The following STK33 variants were observed in gnomAD, a reference collection of about 807,000 sequenced individuals.
STK33 encodes serine/threonine-protein kinase 33.
STK33 carries 52 observed loss-of-function variants against 58.0 expected under a neutral mutation model. The observed-to-expected ratio is 0.90, with a 90% CI of 0.72 to 1.13. STK33 has a LOEUF of 1.13. Ranked by LOEUF, STK33 falls within the 50% of genes most tolerant of loss-of-function variation. STK33 has a pLI of 0.00. For missense variants in STK33, 630 were observed against 604.2 expected (o/e 1.04, Z -0.45); for synonymous variants, 215 against 200.1 (o/e 1.07, Z -0.63).
chr11:8,584,262 C>A (rs2031053388), intron 1 of STK33, among the ~76,000 whole-genome samples: 1 of 152,176 alleles, frequency 6.6e-6, no homozygotes, highest in Non-Finnish European at 1.5e-5. Context: ...AACCAATCTT[C>A]TTTCAAGGCC....
At chr11:8,375,617 G>A in the STK33 span, among the ~76,000 whole-genome samples, 2 of 152,148 alleles carry the variant, frequency 1.3e-5, no homozygotes, top group African/African-American at 4.8e-5. Flanking sequence ...TTCCTTGTTT[G>A]CAAATTCTTT....
At chr11:8,523,637 G>A (rs953209897) in intron 1 of STK33, among the ~76,000 whole-genome samples, 3 of 151,718 alleles carry the variant, frequency 2.0e-5, no homozygotes, top group East Asian at 3.9e-4. Context: ...ATCTCCGCCC[G>A]GCAGCTGCCC....
At chr11:8,509,677 G>A (rs551549015) in intron 1 of STK33, among the ~76,000 whole-genome samples, 93 of 151,946 alleles carry the variant, frequency 6.1e-4, no homozygotes, top group African/African-American at 2.2e-3. Context: ...CCTTCCCCTT[G>A]AGTCCCCAAA....
chr11:8,343,624 G>A, the STK33 span, among the ~76,000 whole-genome samples: 1 of 152,152 alleles, frequency 6.6e-6, no homozygotes, highest in South Asian at 2.1e-4. Context: ...AGATGCATTC[G>A]CGCCTCACTC....
intron 1 of STK33, among the ~76,000 whole-genome samples, chr11:8,523,730 G>A (rs1014279169): frequency 6.0e-5 from 9 of 149,830 alleles, no homozygotes; most frequent in Non-Finnish European, 1.2e-4. Flanking sequence ...CCACCGCCCC[G>A]TCTGGGAGGT....
chr11:8,485,405 A>G (rs930444699), intron 1 of STK33, among the ~76,000 whole-genome samples: 52 of 152,238 alleles, frequency 3.4e-4, no homozygotes, highest in African/African-American at 1.2e-3. Context: ...TCATGTAGAC[A>G]TAAATTTGTC....
At chr11:8,357,206 G>T in the STK33 span, among the ~76,000 whole-genome samples, 2 of 152,194 alleles carry the variant, frequency 1.3e-5, no homozygotes, top group Non-Finnish European at 2.9e-5. Flanking sequence ...TCGTCCTCTT[G>T]CCCTCAATGC....
At chr11:8,535,896 G>A (rs1365642308) in intron 1 of STK33, among the ~76,000 whole-genome samples, 4 of 152,026 alleles carry the variant, frequency 2.6e-5, no homozygotes, top group Non-Finnish European at 5.9e-5. Flanking sequence ...CTAGAATACT[G>A]GAATGGAATA....
intron 1 of STK33, among the ~76,000 whole-genome samples, chr11:8,528,077 G>A (rs1231152071): frequency 1.3e-5 from 2 of 152,134 alleles, no homozygotes; most frequent in East Asian, 3.8e-4. Flanking sequence ...GATTTCTCAC[G>A]AGCTTTGTTA....
chr11:8,397,025 C>T (rs1849476974), intron 15 of STK33, among the ~76,000 whole-genome samples: 1 of 152,226 alleles, frequency 6.6e-6, no homozygotes, highest in African/African-American at 2.4e-5. Context: ...CTGTAGACTC[C>T]ACCTCTGGGG....
intron 4 of STK33, among the ~76,000 whole-genome samples, 170 bp downstream of exon 4, chr11:8,476,517 A>C (rs10840056): frequency 0.45 from 68,347 of 151,914 alleles, 15,761 homozygotes; most frequent in Non-Finnish European, 0.5. Context: ...TAATATGCCA[A>C]GTATACTCCC....
At chr11:8,361,887 G>A in the STK33 span, among the ~76,000 whole-genome samples, 1 of 152,232 alleles carries the variant, frequency 6.6e-6, no homozygotes, top group Non-Finnish European at 1.5e-5. The surrounding 1 kb of genome is among the most constrained non-coding windows in gnomAD (Gnocchi z 4.8). Flanking sequence ...GCAGGAGCCT[G>A]TGCTCACGCG....
chr11:8,593,909 C>T (rs1379895230), intron 1 of STK33, 174 bp downstream of exon 1: 2 of 152,240 alleles, frequency 1.3e-5, no homozygotes, highest in Admixed American at 6.5e-5. Context: ...CGGAGGGGTC[C>T]GCGGGCTCGG....
chr11:8,402,561 C>G (rs1338244229), intron 15 of STK33, among the ~76,000 whole-genome samples: 1 of 152,180 alleles, frequency 6.6e-6, no homozygotes, highest in African/African-American at 2.4e-5. Context: ...CACATGTATA[C>G]ATATGTAACA....
At chr11:8,574,427 CATAA>C (rs967850754) in intron 1 of STK33, among the ~76,000 whole-genome samples, 29 of 151,942 alleles carry the variant, frequency 1.9e-4, no homozygotes, top group African/African-American at 7.0e-4. Context: ...TCAGAATAGC[CATAA>C]ATACTTTTTC....
chr11:8,547,206 T>C (rs1450826546), intron 1 of STK33, among the ~76,000 whole-genome samples: 1 of 152,050 alleles, frequency 6.6e-6, no homozygotes, highest in Non-Finnish European at 1.5e-5. Context: ...GTATGTCTTC[T>C]TTTTTGTTTT....
chr11:8,585,018 G>A (rs1253908959), intron 1 of STK33, among the ~76,000 whole-genome samples: 1 of 151,216 alleles, frequency 6.6e-6, no homozygotes, highest in East Asian at 1.9e-4. Flanking sequence ...CGCCTCCTGG[G>A]TTCAAGTAAT....
At chr11:8,373,460 G>A in the STK33 span, among the ~76,000 whole-genome samples, 8,606 of 152,202 alleles carry the variant, frequency 0.057, 716 homozygotes, top group African/African-American at 0.18. Flanking sequence ...GATGTAGCAG[G>A]TTGCCTGGGA....
Position 8,494,052 on chromosome 11 carries a change from C to T in STK33, c.-465-13438G>A, listed in dbSNP as rs554822573. 2.6e-5 allele frequency among the ~76,000 whole-genome samples: 4 copies of T among 152,288 alleles called. No homozygotes were observed. The South Asian group carries it at 8.3e-4, about 32-fold the overall frequency. The stretch of plus-strand genomic sequence containing the variant: ...AAAACCTGCACAAGACAGGGATGCC[C>T]TCTCTCACCATTCCTATTCAACAAA... On this transcript the variant is annotated intron_variant, in intron 1 of 15. Coordinates refer to ENST00000687296, the MANE Select transcript of STK33 (RefSeq NM_001352389.2).
Sources: gnomAD v4.1 joint callset for allele counts (sites outside exome capture counted in the v4.1 genomes callset) on GRCh38, gnomAD v4.1.1 for gene constraint, Gnocchi (gnomAD v3.1) non-coding constraint, MANE v1.5 for transcripts, NCBI Gene and HGNC (gene_info 2026-07-23, HGNC 2026-07-21) for gene names.